AHRR: variants seen among roughly 807,000 people sequenced by gnomAD.
AHRR encodes ahR repressor.
A neutral mutation model predicts 44.0 loss-of-function variants in AHRR; 28 were observed. The ratio of observed to expected loss-of-function variants is 0.64; its 90% confidence interval spans 0.47 to 0.87. The LOEUF is 0.87. AHRR is among the 40% of genes least tolerant of loss of function. AHRR has a pLI of 0.00. For synonymous variants in AHRR, 434 were observed against 407.0 expected (o/e 1.07, Z -0.80); for missense variants, 990 against 953.9 (o/e 1.04, Z -0.50).
chr5:340,688 A>ATTTTTTTTTT (rs539789608), intron 1 of AHRR, among the ~76,000 whole-genome samples: 3 of 12,928 alleles, frequency 2.3e-4, no homozygotes, highest in Non-Finnish European at 3.8e-4. Flanking sequence ...ATATATATAT[A>ATTTTTTTTTT]TTTTTTTTTT....
chr5:324,025 C>CTT (rs745777700), intron 1 of AHRR, among the ~76,000 whole-genome samples: 1 of 134,588 alleles, frequency 7.4e-6, no homozygotes, highest in African/African-American at 3.7e-5. Context: ...CTTTCTTTCT[C>CTT]TCTCTCTCTC....
At chr5:417,329 T>C (rs2126522516) in intron 5 of AHRR, among the ~76,000 whole-genome samples, 1 of 151,198 alleles carries the variant, frequency 6.6e-6, no homozygotes, top group Non-Finnish European at 1.5e-5. Context: ...GGCCGCTTGG[T>C]CTGTATGTGC....
At chr5:424,740 A>T (rs1736308868) in intron 7 of AHRR, among the ~76,000 whole-genome samples, 1 of 152,296 alleles carries the variant, frequency 6.6e-6, no homozygotes, top group Middle Eastern at 3.4e-3. Context: ...AGCCCATGGC[A>T]TCTGCTGAGC....
At chr5:365,078 T>C (rs1743311875) in intron 3 of AHRR, among the ~76,000 whole-genome samples, 1 of 152,084 alleles carries the variant, frequency 6.6e-6, no homozygotes, top group African/African-American at 2.4e-5. Context: ...ACTCAGTATT[T>C]TATAGAAGAA....
intron 4 of AHRR, among the ~76,000 whole-genome samples, chr5:409,705 A>G (rs1442097884): frequency 3.3e-5 from 5 of 152,008 alleles, no homozygotes; most frequent in African/African-American, 1.2e-4. Context: ...GATTCTGGAT[A>G]AAGTCCTTTA....
intron 1 of AHRR, among the ~76,000 whole-genome samples, chr5:333,197 A>G (rs1579587939): frequency 6.6e-6 from 1 of 152,318 alleles, no homozygotes; most frequent in East Asian, 1.9e-4. Context: ...CTTGAGGAAC[A>G]ATGCCCAGCC....
chr5:370,195 G>A lies in AHRR; in HGVS notation c.245-6415G>A, dbSNP rs1364944899. ...GCCCCGTCCTCCCGGGCCCTCGCTG[G>A]TGCCCCGTCCTCCCGGGCCCTCGCT... is the stretch of plus-strand genomic sequence containing the variant. On this transcript the variant is annotated intron_variant, in intron 3 of 10. Coordinates refer to ENST00000684583, the MANE Select transcript of AHRR (RefSeq NM_001377236.1). The surrounding 1 kb of genome is among the most constrained non-coding windows in gnomAD (Gnocchi z 4.5). Among the ~76,000 whole-genome samples the A allele has an allele frequency of 1.0e-4, 4 of 39,336 alleles. 1 individual carries two copies. Among genetic ancestry groups the A allele is most frequent in the Non-Finnish European group, 1.9e-4 (3 of 16,044 alleles). 25.8% of individuals were successfully genotyped at this position (39,336 alleles called of 152,430 possible).
intron 5 of AHRR, among the ~76,000 whole-genome samples, chr5:416,680 T>G (rs1429890392): frequency 6.6e-6 from 1 of 152,082 alleles, no homozygotes; most frequent in Admixed American, 6.5e-5. Context: ...CCTTTACACG[T>G]GTGGAGAGTA....
intron 3 of AHRR, 98 bp downstream of exon 3, chr5:354,009 G>A: frequency 7.6e-7 from 1 of 1,319,206 alleles, no homozygotes; most frequent in East Asian, 2.3e-5. Flanking sequence ...GTGTCTGGTG[G>A]GTTGCACCAT....
intron 7 of AHRR, 85 bp from the exon 8 acceptor site, chr5:427,721 TG>T: frequency 6.2e-7 from 1 of 1,613,846 alleles, no homozygotes. Flanking sequence ...TTCCAGCCGC[TG>T]TCGCGCCCTT....
Position 424,066 on chromosome 5 carries a change from G to A in AHRR, c.708+89G>A. The A allele has an allele frequency of 3.3e-6, 5 of 1,523,082 alleles. No homozygotes were observed. In the South Asian group the frequency reaches 4.9e-5, roughly 15 times the overall value. 94.3% of individuals were successfully genotyped at this position (1,523,082 alleles called of 1,614,324 possible). A position where few individuals can be genotyped will look rare whatever the true frequency, so the allele number is the denominator to read the frequency against. On this transcript the variant is annotated intron_variant, in intron 7 of 10. Transcript: ENST00000684583. ...AAGGAAACAGAGGGCAAGAGGGGGT[G>A]GGGGCGTTAAACCACATGTCCCTGG...
chr5:343,512 C>G (rs1742438306), intron 1 of AHRR: 1 of 272,948 alleles, frequency 3.7e-6, no homozygotes, highest in African/African-American at 2.3e-5. Flanking sequence ...TGTTTGGAGG[C>G]TGCAGGCTGC....
chr5:421,022 T>C (rs1736083547), intron 5 of AHRR: 1 of 480,062 alleles, frequency 2.1e-6, no homozygotes, highest in Admixed American at 3.9e-5. Context: ...AGGTGGAAAG[T>C]TGAAACCATA....
chr5:380,201 T>C (rs764729267), intron 4 of AHRR, among the ~76,000 whole-genome samples: 1 of 152,230 alleles, frequency 6.6e-6, no homozygotes, highest in Non-Finnish European at 1.5e-5. Flanking sequence ...TTTTTAACCT[T>C]TTAACAATAC....
intron 1 of AHRR, among the ~76,000 whole-genome samples, chr5:323,991 T>A (rs555581380): frequency 6.0e-5 from 9 of 150,796 alleles, no homozygotes; most frequent in Middle Eastern, 3.4e-3. Context: ...CTTCCTACCT[T>A]CCTTTCTTTT....
intron 1 of AHRR, among the ~76,000 whole-genome samples, chr5:329,912 A>G (rs1741853848): frequency 6.6e-6 from 1 of 152,200 alleles, no homozygotes; most frequent in South Asian, 2.1e-4. Context: ...ATTGGCAGAT[A>G]GGAATAATTT....
chr5:423,487 G>A (rs1236175596), intron 6 of AHRR, among the ~76,000 whole-genome samples: 5 of 152,284 alleles, frequency 3.3e-5, no homozygotes, highest in South Asian at 2.1e-4. Flanking sequence ...GCACGTATCC[G>A]CAGAAGCCTG....
chr5:371,557 GT>G (rs1743581492), intron 3 of AHRR, among the ~76,000 whole-genome samples: 1 of 152,182 alleles, frequency 6.6e-6, no homozygotes. Flanking sequence ...TCATGCACGG[GT>G]AAGCCCCTGT....
chr5:434,244 A>C lies in AHRR; in HGVS notation c.1504A>C (p.Thr502Pro). The C allele has an allele frequency of 6.3e-7, 1 of 1,594,434 alleles. No homozygotes were observed. The highest frequency in any genetic ancestry group is 8.5e-7 in the Non-Finnish European group (1 of 1,170,070). Residue 502 changes from threonine (T) to proline (P), a missense_variant, in exon 11 of 11, where the codon ACG (threonine) becomes CCG (proline). Transcript: ENST00000684583. ...LPQPGAQRFA[T>P]RGYPMEDMKL... is the part of the protein sequence containing the mutation. ...TCAGCCTGGAGCTCAGCGTTTTGCC[A>C]CGAGGGGCTATCCCATGGAGGACAT...
Sources: allele counts gnomAD v4.1 joint callset (sites outside exome capture counted in the v4.1 genomes callset), GRCh38; gene constraint gnomAD v4.1.1; non-coding constraint Gnocchi (gnomAD v3.1); transcripts MANE v1.5; gene names NCBI Gene and HGNC (gene_info 2026-07-23, HGNC 2026-07-21).